Variants in HLCS observed in about 807,000 individuals in gnomAD.
HLCS encodes the protein holocarboxylase synthetase, also known as biotin--protein ligase.
A neutral mutation model predicts 75.0 loss-of-function variants in HLCS; 53 were observed. That is an observed-to-expected ratio of 0.71 (90% CI 0.57 to 0.89). The LOEUF is 0.89. HLCS is among the 40% of genes least tolerant of loss of function. HLCS has a pLI of 0.00. For synonymous variants in HLCS, 431 were observed against 428.6 expected (o/e 1.01, Z -0.07); for missense variants, 966 against 1,074.0 (o/e 0.90, Z 1.41).
At chr21:36,881,036 T>C (rs954538841) in intron 6 of HLCS, among the ~76,000 whole-genome samples, 1 of 152,098 alleles carries the variant, frequency 6.6e-6, no homozygotes, top group Non-Finnish European at 1.5e-5. Flanking sequence ...AGTGGCGTGA[T>C]CTCGGCTCAC....
chr21:36,984,711 T>G (rs2069194044), intron 1 of HLCS, among the ~76,000 whole-genome samples: 1 of 152,182 alleles, frequency 6.6e-6, no homozygotes, highest in South Asian at 2.1e-4. Context: ...ATGTACATGA[T>G]CAGGGGTGAT....
chr21:36,951,228 G>C (rs2835545), intron 2 of HLCS, among the ~76,000 whole-genome samples: 1 of 151,992 alleles, frequency 6.6e-6, no homozygotes, highest in African/African-American at 2.4e-5. Flanking sequence ...CACCATATCA[G>C]GGTAATTTCC....
At chr21:36,846,305 G>A (rs1428148279) in intron 6 of HLCS, among the ~76,000 whole-genome samples, 2 of 152,174 alleles carry the variant, frequency 1.3e-5, no homozygotes, top group African/African-American at 2.4e-5. Flanking sequence ...AAAATACACA[G>A]TAGGCACTCA....
chr21:36,943,670 G>C (rs991324315), intron 2 of HLCS, among the ~76,000 whole-genome samples: 1 of 151,932 alleles, frequency 6.6e-6, no homozygotes, highest in African/African-American at 2.4e-5. Context: ...AAAATAGCCA[G>C]GAGCCAGGTG....
At chr21:36,987,129 C>T (rs954700931) in intron 1 of HLCS, among the ~76,000 whole-genome samples, 1 of 152,172 alleles carries the variant, frequency 6.6e-6, no homozygotes. Context: ...TTGAACAAGC[C>T]GCTCCTGACT....
chr21:36,977,770 G>A (rs78422400), intron 1 of HLCS, among the ~76,000 whole-genome samples: 6,771 of 152,264 alleles, frequency 0.044, 227 homozygotes, highest in South Asian at 0.15. Context: ...AATGCCTCTC[G>A]TTCCACAGCT....
chr21:36,762,039 G>A (rs893293013), intron 8 of HLCS, among the ~76,000 whole-genome samples: 1 of 152,242 alleles, frequency 6.6e-6, no homozygotes, highest in African/African-American at 2.4e-5. Context: ...CACATGAAGA[G>A]GAGGACTGTG....
At chr21:36,920,315 A>G (rs954697245) in intron 5 of HLCS, among the ~76,000 whole-genome samples, 7 of 151,500 alleles carry the variant, frequency 4.6e-5, no homozygotes, top group Non-Finnish European at 7.4e-5. Context: ...CCTGAGTGAC[A>G]GAACGAGACC....
At chr21:36,784,254 C>T (rs1257763687) in intron 6 of HLCS, among the ~76,000 whole-genome samples, 3 of 151,476 alleles carry the variant, frequency 2.0e-5, no homozygotes, top group Non-Finnish European at 4.4e-5. Context: ...TTCTGACTCA[C>T]TAGGAAAGAA....
chr21:36,831,742 A>G (rs917514247), intron 6 of HLCS, among the ~76,000 whole-genome samples: 2 of 152,216 alleles, frequency 1.3e-5, no homozygotes, highest in Non-Finnish European at 2.9e-5. Context: ...TCATCTGGAA[A>G]CAAAATATTC....
intron 4 of HLCS, among the ~76,000 whole-genome samples, chr21:36,933,760 T>C (rs910438275): frequency 6.6e-6 from 1 of 152,142 alleles, no homozygotes; most frequent in Non-Finnish European, 1.5e-5. Flanking sequence ...CTGTTCCCAC[T>C]AGAGCCGAAG....
intron 6 of HLCS, among the ~76,000 whole-genome samples, chr21:36,839,893 G>A (rs1225940779): frequency 6.6e-6 from 1 of 152,156 alleles, no homozygotes; most frequent in Admixed American, 6.5e-5. Context: ...CATTTATTTC[G>A]CTGGAGGCCA....
chr21:36,989,821 G>A (rs2069310881), intron 1 of HLCS, among the ~76,000 whole-genome samples: 1 of 152,168 alleles, frequency 6.6e-6, no homozygotes, highest in Admixed American at 6.5e-5. Context: ...AGGGGGACAG[G>A]GCGCGCGAAC....
chr21:36,945,220 GTTT>G (rs1050000575), intron 2 of HLCS, among the ~76,000 whole-genome samples: 1 of 149,594 alleles, frequency 6.7e-6, no homozygotes, highest in African/African-American at 2.5e-5. Flanking sequence ...TTTTTTTTTG[GTTT>G]TTTTTTGTCT....
In HLCS at chr21:36,792,885, A is replaced by G. The variant is rs531467305; in HGVS notation, c.1893-25600T>C. Among the ~76,000 whole-genome samples the G allele has an allele frequency of 3.9e-5, 6 of 152,268 alleles. No individual in the cohort carries two copies. The East Asian group carries it at 1.2e-3, about 29-fold the overall frequency. ...CAGTCATGTGACCCCCAGGCTTTCT[A>G]GAGTGACTCATGGTGAGGACAGCAA... is the stretch of plus-strand genomic sequence containing the variant. On this transcript the variant is annotated intron_variant, in intron 6 of 10. Coordinates refer to ENST00000674895, the MANE Select transcript of HLCS (RefSeq NM_001352514.2).
intron 6 of HLCS, among the ~76,000 whole-genome samples, chr21:36,860,247 C>A (rs2063336854): frequency 6.6e-6 from 1 of 152,032 alleles, no homozygotes. Flanking sequence ...GATCACATAA[C>A]CTCCCCCAAG....
chr21:36,920,069 T>C (rs1269889876), intron 5 of HLCS, among the ~76,000 whole-genome samples: 1 of 152,182 alleles, frequency 6.6e-6, no homozygotes, highest in African/African-American at 2.4e-5. Context: ...CGGTAGCTCA[T>C]ACCTGTGAGG....
chr21:36,971,032 A>C (rs1418444643), upstream of HLCS, among the ~76,000 whole-genome samples: 1 of 151,766 alleles, frequency 6.6e-6, no homozygotes, highest in Non-Finnish European at 1.5e-5. Flanking sequence ...CTTGATCTCT[A>C]TTCAGTAACT....
intron 5 of HLCS, among the ~76,000 whole-genome samples, chr21:36,926,806 AATC>A (rs112019263): frequency 3.1e-4 from 46 of 147,830 alleles, no homozygotes; most frequent in Admixed American, 1.6e-3. Flanking sequence ...GCAGTGGCAC[AATC>A]ATAGCTCACT....
Sources: gnomAD v4.1 joint callset for allele counts (sites outside exome capture counted in the v4.1 genomes callset) on GRCh38, gnomAD v4.1.1 for gene constraint, MANE v1.5 for transcripts, NCBI Gene and HGNC (gene_info 2026-07-23, HGNC 2026-07-21) for gene names.